The following EVI5 variants were observed in gnomAD, a reference collection of about 807,000 sequenced individuals.
EVI5 encodes ecotropic viral integration site 5, also known as ecotropic viral integration site 5 protein homolog.
Under a neutral mutation model 112.0 loss-of-function variants are expected in EVI5, and 73 were observed. The observed-to-expected ratio is 0.65, with a 90% CI of 0.54 to 0.79. The LOEUF is 0.79. Ranked by LOEUF, EVI5 falls within the 30% of genes least tolerant of loss-of-function variation. The pLI is 0.00. For synonymous variants in EVI5, 305 were observed against 319.9 expected, an observed-to-expected ratio of 0.95 and a Z score of 0.50; for missense variants, 900 against 968.8, an observed-to-expected ratio of 0.93 and a Z score of 0.94.
intron 1 of EVI5, among the ~76,000 whole-genome samples, chr1:92,747,413 G>A (rs1042538586): frequency 6.6e-6 from 1 of 151,942 alleles, no homozygotes; most frequent in Admixed American, 6.6e-5. Context: ...AAACTGGGTG[G>A]CTTAAAACAA....
chr1:92,550,879 A>C (rs1666799295), intron 19 of EVI5, among the ~76,000 whole-genome samples: 1 of 137,134 alleles, frequency 7.3e-6, no homozygotes, highest in Non-Finnish European at 1.5e-5. Flanking sequence ...TCAACAGATT[A>C]AGAAAATCAA....
At chr1:92,532,079 C>T (rs567179023) in intron 19 of EVI5, among the ~76,000 whole-genome samples, 28 of 149,008 alleles carry the variant, frequency 1.9e-4, no homozygotes, top group Non-Finnish European at 3.3e-4. Flanking sequence ...TCAAAATAAA[C>T]GGATGGAGGA....
intron 19 of EVI5, among the ~76,000 whole-genome samples, chr1:92,541,449 G>A (rs570681573): frequency 1.3e-5 from 2 of 151,868 alleles, no homozygotes; most frequent in African/African-American, 2.4e-5. Flanking sequence ...CTACTTAATC[G>A]AAAAAATAAA....
chr1:92,557,652 A>G, intron 19 of EVI5, among the ~76,000 whole-genome samples: 1 of 152,032 alleles, frequency 6.6e-6, no homozygotes, highest in East Asian at 1.9e-4. Context: ...TTAGAGATAG[A>G]ACATTTCTCC....
At chr1:92,676,397 CT>C (rs1666748223) in intron 10 of EVI5, among the ~76,000 whole-genome samples, 3 of 120,004 alleles carry the variant, frequency 2.5e-5, no homozygotes, top group African/African-American at 9.5e-5. Flanking sequence ...ACTTTTAACC[CT>C]TTCTCCAGGG....
intron 18 of EVI5, among the ~76,000 whole-genome samples, chr1:92,582,461 T>C (rs1490617892): frequency 6.6e-6 from 1 of 151,950 alleles, no homozygotes; most frequent in Non-Finnish European, 1.5e-5. Context: ...ATTTAAATGA[T>C]GAGAAGGTAT....
At chr1:92,785,348 G>C (rs1197070099), upstream of EVI5, among the ~76,000 whole-genome samples, 1 of 152,164 alleles carries the variant, frequency 6.6e-6, no homozygotes, top group Non-Finnish European at 1.5e-5. Context: ...ATGTTAAAAC[G>C]GTAGAAGACA....
intron 2 of EVI5, among the ~76,000 whole-genome samples, chr1:92,713,390 T>C (rs2102629878): frequency 6.6e-6 from 1 of 151,606 alleles, no homozygotes; most frequent in East Asian, 1.9e-4. Flanking sequence ...GATCTAGATT[T>C]TGGTAGGATA....
chr1:92,772,971 C>T (rs564767393), intron 1 of EVI5, among the ~76,000 whole-genome samples: 40 of 148,622 alleles, frequency 2.7e-4, no homozygotes, highest in African/African-American at 9.2e-4. Context: ...ACTTTCAGAG[C>T]CCGAGGTGGG....
At chr1:92,516,056 C>CT (rs1659815543) in intron 19 of EVI5, among the ~76,000 whole-genome samples, 1 of 152,162 alleles carries the variant, frequency 6.6e-6, no homozygotes, top group South Asian at 2.1e-4. Flanking sequence ...CAAAGGCCTC[C>CT]TCAAGGTTAT....
rs1667236874 is a variant in EVI5, at chr1:92,679,333, G to A, written c.1098-2115C>T. Among the ~76,000 whole-genome samples the A allele has an allele frequency of 3.3e-5, 5 of 152,210 alleles. No individual in the cohort carries two copies. The South Asian group carries it at 1.0e-3, about 32-fold the overall frequency. ...CACTGTCTTAAAAGACTATAAGATAGCCGACAGAATTTATTAAAGACTCCA... is the reference window on the plus strand; with the variant it reads ...CACTGTCTTAAAAGACTATAAGATAACCGACAGAATTTATTAAAGACTCCA... On this transcript the variant is annotated intron_variant, in intron 9 of 19. Coordinates refer to ENST00000684568, the MANE Select transcript of EVI5 (RefSeq NM_001350197.2).
In EVI5 at chr1:92,605,010, G is replaced by A. The variant is rs188679063; in HGVS notation, c.2070+297C>T. 4.6e-5 allele frequency among the ~76,000 whole-genome samples: 7 copies of A among 152,242 alleles called. No homozygotes were observed. The East Asian group carries it at 1.2e-3, about 25-fold the overall frequency. On this transcript the variant is annotated intron_variant, in intron 18 of 19. Coordinates refer to ENST00000684568, the MANE Select transcript of EVI5 (RefSeq NM_001350197.2). ...GTTGCTGGTGGTTGCCAGTTGCTGGGGAATGGGAAGTTAGTGTTTAATGGG... is the reference window on the plus strand; with the variant it reads ...GTTGCTGGTGGTTGCCAGTTGCTGGAGAATGGGAAGTTAGTGTTTAATGGG...
intron 18 of EVI5, among the ~76,000 whole-genome samples, chr1:92,571,218 T>A (rs941538423): frequency 2.7e-5 from 4 of 145,916 alleles, no homozygotes; most frequent in Admixed American, 7.0e-5. Flanking sequence ...AAACAACTTC[T>A]AAGGCACACT....
At chr1:92,703,813 G>A (rs1671558544) in intron 3 of EVI5, 194 bp from the exon 4 acceptor site, 1 of 532,814 alleles carries the variant, frequency 1.9e-6, no homozygotes, top group African/African-American at 2.0e-5. Context: ...TCCTCTTCTG[G>A]TCAGGGGATT....
At chr1:92,746,518 G>T (rs1409473551) in intron 1 of EVI5, among the ~76,000 whole-genome samples, 1 of 152,128 alleles carries the variant, frequency 6.6e-6, no homozygotes, top group Non-Finnish European at 1.5e-5. Context: ...TTGAGGTCAG[G>T]AGCTCGAGAT....
At chr1:92,617,302 A>G (rs907679799) in intron 16 of EVI5, among the ~76,000 whole-genome samples, 10 of 152,214 alleles carry the variant, frequency 6.6e-5, no homozygotes, top group Non-Finnish European at 1.0e-4. Flanking sequence ...GCTGTAGCCA[A>G]TGGTTTGGCT....
chr1:92,670,787 G>A (rs546436824), intron 10 of EVI5, among the ~76,000 whole-genome samples: 6 of 152,112 alleles, frequency 3.9e-5, no homozygotes, highest in East Asian at 1.9e-4. Flanking sequence ...AAAAAACTGA[G>A]GCAATTAGAA....
intron 1 of EVI5, among the ~76,000 whole-genome samples, chr1:92,776,148 G>C (rs1684105624): frequency 6.6e-6 from 1 of 151,026 alleles, no homozygotes; most frequent in Non-Finnish European, 1.5e-5. Flanking sequence ...GCAATATGTA[G>C]AGCTCGCAGG....
At chr1:92,583,252 T>G (rs952382380) in intron 18 of EVI5, among the ~76,000 whole-genome samples, 10 of 152,058 alleles carry the variant, frequency 6.6e-5, no homozygotes, top group African/African-American at 2.4e-4. Flanking sequence ...CTCATGCCTG[T>G]AATCCCAGCA....
Sources: gnomAD v4.1 joint callset for allele counts (sites outside exome capture counted in the v4.1 genomes callset) on GRCh38, gnomAD v4.1.1 for gene constraint, MANE v1.5 for transcripts, NCBI Gene and HGNC (gene_info 2026-07-23, HGNC 2026-07-21) for gene names.